FBXO22: variants seen among roughly 807,000 people sequenced by gnomAD.
The protein encoded by FBXO22 is F-box protein 22.
Under a neutral mutation model 37.2 loss-of-function variants are expected in FBXO22, and 13 were observed. That is an observed-to-expected ratio of 0.35 (90% CI 0.23 to 0.56). The LOEUF is 0.56. Among genes scored for constraint, FBXO22 ranks in the 20% least tolerant of loss-of-function variants. FBXO22 has a pLI of 0.87. For missense variants in FBXO22, 446 were observed against 509.9 expected (o/e 0.87, Z 1.21); for synonymous variants, 189 against 189.1 (o/e 1.00, Z 0.00).
At chr15:75,906,487 C>T (rs545857307) in intron 2 of FBXO22, among the ~76,000 whole-genome samples, 3 of 152,094 alleles carry the variant, frequency 2.0e-5, no homozygotes, top group Non-Finnish European at 2.9e-5. Context: ...GCATCCTTTT[C>T]GAATCAAACG....
rs2030638621 is a variant in FBXO22, at chr15:75,938,779, G to A, written c.*5677G>A. On this transcript the variant is annotated 3_prime_UTR_variant, in exon 7 of 7. Coordinates refer to ENST00000308275, the MANE Select transcript of FBXO22 (RefSeq NM_147188.3). ...CACACAAAGAAGTGAAGAAGATATGGTGCATTTTTGAACCACAACAGGATG... is the reference window on the plus strand; with the variant it reads ...CACACAAAGAAGTGAAGAAGATATGATGCATTTTTGAACCACAACAGGATG... The A allele has an allele frequency of 6.6e-6, 1 of 152,112 alleles. No homozygotes were observed. The allele number at this position is 152,112 out of a possible 1,614,324, so 9.4% of individuals were successfully genotyped here.
In FBXO22 at chr15:75,933,269, G is replaced by A. The variant is rs2030131270; in HGVS notation, c.*167G>A. ...GAGGGTAGTATTTAATATATTAGAT[G>A]AAGGACAACTTTGGACATAACACTG... is the stretch of plus-strand genomic sequence containing the variant. On this transcript the variant is annotated 3_prime_UTR_variant, in exon 7 of 7. Coordinates refer to ENST00000308275, the MANE Select transcript of FBXO22 (RefSeq NM_147188.3). 3.2e-6 allele frequency: 2 copies of A among 619,008 alleles called. No individual in the cohort carries two copies. Among genetic ancestry groups the A allele is most frequent in the Non-Finnish European group, 2.7e-6 (1 of 366,842 alleles). 38.3% of individuals were successfully genotyped at this position (619,008 alleles called of 1,614,324 possible).
intron 6 of FBXO22, among the ~76,000 whole-genome samples, chr15:75,932,252 A>G (rs1230258753): frequency 6.6e-6 from 1 of 152,236 alleles, no homozygotes; most frequent in Non-Finnish European, 1.5e-5. Context: ...TTTTTAATAT[A>G]CATCTTTCAG....
chr15:75,904,065 C>T lies in FBXO22; in HGVS notation c.102C>T (p.Leu34=), dbSNP rs781411973. The change falls in exon 1 of 7, where the codon CTC becomes CTT. Residue 34 remains leucine, a synonymous_variant. Transcript: ENST00000308275. The part of the protein sequence containing the change: ...SNLAEVVERV[L]TFLPAKALLR... ...TGGCGGAGGTGGTGGAGCGTGTGCT[C>T]ACCTTCCTGCCCGCCAAGGCGTTGC... 1.2e-5 allele frequency: 18 copies of T among 1,553,228 alleles called. 1 individual carries two copies. Among genetic ancestry groups the T allele is most frequent in the Non-Finnish European group, 1.4e-5 (16 of 1,147,388 alleles).
chr15:75,907,055 T>A (rs1899944800), intron 2 of FBXO22, among the ~76,000 whole-genome samples: 2 of 152,246 alleles, frequency 1.3e-5, no homozygotes, highest in South Asian at 4.1e-4. Flanking sequence ...TTACTGTTTT[T>A]AAAAAGTTTT....
intron 2 of FBXO22, among the ~76,000 whole-genome samples, chr15:75,907,739 A>AT (rs1899960730): frequency 1.3e-5 from 2 of 151,718 alleles, no homozygotes; most frequent in African/African-American, 4.9e-5. Flanking sequence ...CCACTAAAAA[A>AT]ATATAAATAT....
rs985781461 is a variant in FBXO22 at position 75,940,192 on chromosome 15, A to G, written c.*7090A>G. On this transcript the variant is annotated 3_prime_UTR_variant, in exon 7 of 7. Transcript: ENST00000308275. ...ACAAAAGTCAGTTGCATTCCTATAC[A>G]CTAACAATGAACAACCTGAGAAGGA... The G allele has an allele frequency of 3.9e-5, 6 of 152,092 alleles. No individual in the cohort carries two copies. Among genetic ancestry groups the G allele is most frequent in the Admixed American group, 2.0e-4 (3 of 15,264 alleles). The allele number at this position is 152,092 out of a possible 1,614,324, so 9.4% of individuals were successfully genotyped here.
At chr15:75,917,170 A>G in intron 4 of FBXO22, 60 bp from the exon 5 acceptor site, 1 of 1,266,986 alleles carries the variant, frequency 7.9e-7, no homozygotes, top group South Asian at 1.3e-5. Flanking sequence ...TAGTGACCTA[A>G]ACTGTAGTTA....
At chr15:75,919,396 C>T (rs1900270592) in intron 5 of FBXO22, among the ~76,000 whole-genome samples, 1 of 152,110 alleles carries the variant, frequency 6.6e-6, no homozygotes, top group Admixed American at 6.5e-5. Context: ...ATATATACTT[C>T]AAAACATGTT....
rs1049396739 is a variant in FBXO22 at position 75,919,262 on chromosome 15, G to A, written c.628+1868G>A. On this transcript the variant is annotated intron_variant, in intron 5 of 6. Coordinates refer to ENST00000308275, the MANE Select transcript of FBXO22 (RefSeq NM_147188.3). ...GCTGGGATTACAGGTGTGAGCCATC[G>A]TGCCTGGCCCATATACTATATTCTT... Among the ~76,000 whole-genome samples, 130 of 152,216 alleles carry A rather than the reference G, an allele frequency of 8.5e-4. 1 individual carries two copies. Among genetic ancestry groups the A allele is most frequent in the African/African-American group, 2.8e-3 (118 of 41,540 alleles).
At chr15:75,909,036 A>G (rs1755935704) in intron 2 of FBXO22, among the ~76,000 whole-genome samples, 1 of 152,186 alleles carries the variant, frequency 6.6e-6, no homozygotes, top group Non-Finnish European at 1.5e-5. Flanking sequence ...GCTTTGCTAT[A>G]TCCTAAGTAC....
intron 4 of FBXO22, among the ~76,000 whole-genome samples, chr15:75,915,296 A>G (rs1900157792): frequency 6.6e-6 from 1 of 152,154 alleles, no homozygotes; most frequent in Admixed American, 6.5e-5. Flanking sequence ...GTTCCAACTC[A>G]GTAGTACTCT....
chr15:75,937,334 C>T lies in FBXO22; in HGVS notation c.*4232C>T, dbSNP rs1326482848. 1 of 127,458 alleles carries T rather than the reference C, an allele frequency of 7.8e-6. No individual in the cohort carries two copies. The highest frequency in any genetic ancestry group is 2.9e-5 in the African/African-American group (1 of 34,994). The allele number at this position is 127,458 out of a possible 1,614,324, so 7.9% of individuals were successfully genotyped here. On this transcript the variant is annotated 3_prime_UTR_variant, in exon 7 of 7. Transcript: ENST00000308275. ...ACCATCCTGGCTAACACAGTGAAAC[C>T]CCATCTCTACTGAAAGTACACAAAA...
Position 75,940,193 on chromosome 15 carries a change from C to T in FBXO22, c.*7091C>T, listed in dbSNP as rs2030796709. The T allele has an allele frequency of 6.6e-6, 1 of 150,570 alleles. No individual in the cohort carries two copies. The highest frequency in any genetic ancestry group is 1.5e-5 in the Non-Finnish European group (1 of 67,744). The allele number at this position is 150,570 out of a possible 1,614,324, so 9.3% of individuals were successfully genotyped here. ...CAAAAGTCAGTTGCATTCCTATACA[C>T]TAACAATGAACAACCTGAGAAGGAA... On this transcript the variant is annotated 3_prime_UTR_variant, in exon 7 of 7. Transcript: ENST00000308275.
intron 2 of FBXO22, 22 bp downstream of exon 2, chr15:75,904,651 GCA>G: frequency 1.9e-6 from 3 of 1,572,664 alleles, no homozygotes; most frequent in African/African-American, 1.4e-5. Context: ...GGGGTGTCAT[GCA>G]CAGTCATTTG....
intron 2 of FBXO22, among the ~76,000 whole-genome samples, chr15:75,906,303 T>C (rs888903527): frequency 6.6e-6 from 1 of 152,152 alleles, no homozygotes; most frequent in Non-Finnish European, 1.5e-5. Context: ...CTAGACTCTC[T>C]AAGTGTACTC....
At chr15:75,904,135 C>T in intron 1 of FBXO22, 32 bp downstream of exon 1, 1 of 1,517,578 alleles carries the variant, frequency 6.6e-7, no homozygotes, top group South Asian at 1.2e-5. Flanking sequence ...GGGAAGCTTG[C>T]CTGGGGACAC....
chr15:75,921,505 A>G (rs1245731605), intron 5 of FBXO22, among the ~76,000 whole-genome samples: 4 of 152,144 alleles, frequency 2.6e-5, no homozygotes, highest in Admixed American at 2.0e-4. Context: ...TCTACTAAAA[A>G]TACAAAAATT....
intron 2 of FBXO22, among the ~76,000 whole-genome samples, chr15:75,907,152 T>G (rs958648757): frequency 6.6e-6 from 1 of 152,234 alleles, no homozygotes; most frequent in Admixed American, 6.5e-5. Context: ...GTAGTGGCTG[T>G]TAATAGCCAG....
Sources: allele counts gnomAD v4.1 joint callset (sites outside exome capture counted in the v4.1 genomes callset), GRCh38; gene constraint gnomAD v4.1.1; transcripts MANE v1.5; gene names NCBI Gene and HGNC (gene_info 2026-07-23, HGNC 2026-07-21).